DMD: variants seen among roughly 807,000 people sequenced by gnomAD.
The protein encoded by DMD is mutant dystrophin.
A neutral mutation model predicts 330.1 loss-of-function variants in DMD; 63 were observed. That is an observed-to-expected ratio of 0.19 (90% CI 0.16 to 0.24). The LOEUF is 0.24. Among genes scored for constraint, DMD ranks in the 10% least tolerant of loss-of-function variants. The pLI is 1.00. For synonymous variants in DMD, 1,223 were observed against 959.8 expected, an observed-to-expected ratio of 1.27 and a Z score of -5.07; for missense variants, 3,344 against 2,684.1, an observed-to-expected ratio of 1.25 and a Z score of -5.43.
chrX:32,341,460 A>C (rs1157439974), intron 41 of DMD, among the ~76,000 whole-genome samples: 2 of 112,015 alleles, frequency 1.8e-5, no homozygotes, highest in East Asian at 5.7e-4. Context: ...AGTTGTTTGA[A>C]AGAAGAGCAG....
intron 41 of DMD, among the ~76,000 whole-genome samples, chrX:32,312,271 T>C (rs1353283771): frequency 9.0e-6 from 1 of 111,420 alleles, no homozygotes; most frequent in Admixed American, 9.6e-5. Flanking sequence ...TTCAGAAAAG[T>C]TTTGATGCAT....
At chrX:31,652,788 G>A (rs895330352) in intron 54 of DMD, among the ~76,000 whole-genome samples, 8 of 111,030 alleles carry the variant, frequency 7.2e-5, no homozygotes, top group Non-Finnish European at 9.4e-5. Flanking sequence ...GGTGGTGCTG[G>A]GGAAGTGAGA....
intron 4 of DMD, among the ~76,000 whole-genome samples, chrX:32,833,167 A>C (rs1234834813): frequency 9.0e-6 from 1 of 111,520 alleles, no homozygotes; most frequent in Non-Finnish European, 1.9e-5. Flanking sequence ...GAAATGTTAA[A>C]TTTCCTCTAT....
intron 44 of DMD, among the ~76,000 whole-genome samples, chrX:32,169,810 G>A (rs1329166067): frequency 1.8e-5 from 2 of 110,660 alleles, no homozygotes; most frequent in East Asian, 2.8e-4. Flanking sequence ...TAATTGAAGA[G>A]TGTTGTGACA....
chrX:33,267,368 C>T (rs767356305), intron 1 of DMD, among the ~76,000 whole-genome samples: 2 of 110,312 alleles, frequency 1.8e-5, no homozygotes, highest in Non-Finnish European at 3.8e-5. Flanking sequence ...CACAGATAAA[C>T]GAAAAAGCAT....
chrX:32,764,712 T>C (rs1299069870), intron 7 of DMD, among the ~76,000 whole-genome samples: 3 of 112,120 alleles, frequency 2.7e-5, no homozygotes, highest in Non-Finnish European at 5.6e-5. Flanking sequence ...AGTTGCTCCA[T>C]CTTTTGCTAC....
At chrX:32,481,390 C>A (rs1055193234) in intron 21 of DMD, among the ~76,000 whole-genome samples, 3 of 111,413 alleles carry the variant, frequency 2.7e-5, no homozygotes, top group Non-Finnish European at 5.7e-5. Flanking sequence ...TCTTCACATA[C>A]CAGCTAGAGG....
intron 2 of DMD, among the ~76,000 whole-genome samples, chrX:32,972,163 T>C (rs1033183799): frequency 9.0e-6 from 1 of 111,050 alleles, no homozygotes; most frequent in African/African-American, 3.3e-5. Context: ...GAAGAACTTG[T>C]ATGACTCGCT....
chrX:32,756,891 C>T, intron 7 of DMD, among the ~76,000 whole-genome samples: 1 of 111,438 alleles, frequency 9.0e-6, no homozygotes, highest in Non-Finnish European at 1.9e-5. Flanking sequence ...AAGCAAAGTG[C>T]CCTATATCCC....
chrX:32,439,642 G>A (rs2098274057), intron 28 of DMD, among the ~76,000 whole-genome samples: 1 of 111,241 alleles, frequency 9.0e-6, no homozygotes, highest in East Asian at 2.8e-4. Flanking sequence ...AGAAAACCTA[G>A]AAGTCGTGCA....
chrX:31,386,119 C>A (rs2148757128), intron 60 of DMD, among the ~76,000 whole-genome samples: 1 of 112,050 alleles, frequency 8.9e-6, no homozygotes, highest in Non-Finnish European at 1.9e-5. Context: ...AGCAAACTAT[C>A]ACAAGGACAG....
chrX:32,279,013 G>A (rs931801155), intron 43 of DMD, among the ~76,000 whole-genome samples: 1 of 111,935 alleles, frequency 8.9e-6, no homozygotes, highest in Non-Finnish European at 1.9e-5. Flanking sequence ...GATTCGAATA[G>A]GCATTTCTCA....
intron 50 of DMD, among the ~76,000 whole-genome samples, chrX:31,796,544 T>G (rs754502163): frequency 1.3e-3 from 149 of 112,037 alleles, no homozygotes; most frequent in African/African-American, 4.8e-3. Flanking sequence ...CAGGTGAAAA[T>G]ATGAGTTTGG....
At chrX:32,715,995 A>G (rs746826485) in intron 7 of DMD, among the ~76,000 whole-genome samples, 27 of 111,792 alleles carry the variant, frequency 2.4e-4, no homozygotes, top group Non-Finnish European at 5.6e-5. Context: ...AGATCATTTT[A>G]CATAATGAGA....
At chrX:31,770,178 C>T (rs1370135870) in intron 51 of DMD, among the ~76,000 whole-genome samples, 1 of 112,368 alleles carries the variant, frequency 8.9e-6, no homozygotes, top group Non-Finnish European at 1.9e-5. Flanking sequence ...TACTTTCTGC[C>T]TGATTTAATC....
At chrX:32,484,865 A>G in intron 21 of DMD, 54 bp downstream of exon 21, 1 of 1,150,882 alleles carries the variant, frequency 8.7e-7, no homozygotes, top group Non-Finnish European at 1.2e-6. Flanking sequence ...GGATTTCCCC[A>G]CAAATAACCA....
rs759966394 is a variant in DMD at position 31,795,195 on chromosome X, T to C, written c.7310-21003A>G. On this transcript the variant is annotated intron_variant, in intron 50 of 78. Transcript: ENST00000357033. ...ATTTAGATTCACCTAAATCTTCGAT[T>C]CTAAGCCAGTCAAGATAATCTCATC... 1.1e-4 allele frequency among the ~76,000 whole-genome samples: 12 copies of C among 112,077 alleles called. No homozygotes were observed. The South Asian group carries it at 1.5e-3, about 14-fold the overall frequency.
chrX:31,411,537 G>T (rs915701593), intron 60 of DMD, among the ~76,000 whole-genome samples: 2 of 111,899 alleles, frequency 1.8e-5, no homozygotes, highest in Non-Finnish European at 3.8e-5. Flanking sequence ...TGTCATTTTG[G>T]ACTTAAAAGG....
chrX:32,015,159 C>T (rs12014390), intron 44 of DMD, among the ~76,000 whole-genome samples: 8,745 of 111,178 alleles, frequency 0.079, 378 homozygotes, highest in East Asian at 0.17. Context: ...GATCTGGGCC[C>T]GGAATAGCTC....
Sources: allele counts gnomAD v4.1 joint callset (sites outside exome capture counted in the v4.1 genomes callset), GRCh38; gene constraint gnomAD v4.1.1; transcripts MANE v1.5; gene names NCBI Gene and HGNC (gene_info 2026-07-23, HGNC 2026-07-21).